Variants in ABCD3 observed in about 807,000 individuals in gnomAD.
The protein encoded by ABCD3 is ATP binding cassette subfamily D member 3.
A neutral mutation model predicts 105.5 loss-of-function variants in ABCD3; 41 were observed. The observed-to-expected ratio is 0.39, with a 90% CI of 0.30 to 0.50. The LOEUF is 0.50. Among genes scored for constraint, ABCD3 ranks in the 20% least tolerant of loss-of-function variants. The pLI, the probability that ABCD3 is intolerant of heterozygous loss-of-function variation, is 0.84. For missense variants in ABCD3, 622 were observed against 806.3 expected, an observed-to-expected ratio of 0.77 and a Z score of 2.77; for synonymous variants, 258 against 269.0, an observed-to-expected ratio of 0.96 and a Z score of 0.40.
In ABCD3 at chr1:94,459,837, A is replaced by AT. The variant is rs1647781099; in HGVS notation, c.147+1197dup. On this transcript the variant is annotated intron_variant, in intron 2 of 22. Transcript: ENST00000370214. ...CCCTGTTGACTTACCTGTTCTGGAC[A>AT]TTTCAAATAAATGAAATCATATAAT... is the stretch of plus-strand genomic sequence containing the variant. Among the ~76,000 whole-genome samples the AT allele has an allele frequency of 3.3e-5, 5 of 152,328 alleles. No individual in the cohort carries two copies. In the South Asian group the frequency reaches 1.0e-3, roughly 32 times the overall value.
intron 20 of ABCD3, among the ~76,000 whole-genome samples, chr1:94,503,459 T>A (rs1384225349): frequency 6.6e-6 from 1 of 152,212 alleles, no homozygotes; most frequent in African/African-American, 2.4e-5. Context: ...ATGGAGCCTC[T>A]GTCTTCTGAC....
Position 94,475,710 on chromosome 1 carries a change from A to C in ABCD3, c.600A>C (p.Val200=). 2 of 1,604,908 alleles carry C rather than the reference A, an allele frequency of 1.2e-6. No individual in the cohort carries two copies. The highest frequency in any genetic ancestry group is 2.2e-5 in the South Asian group (2 of 90,832). Residue 200 remains valine (V), a synonymous_variant, in exon 7 of 23, where the codon GTA becomes GTC. Coordinates refer to ENST00000370214, the MANE Select transcript of ABCD3 (RefSeq NM_002858.4). ...TQDVEKFCNS[V]VDLYSNLSKP... ...ATGTAGAAAAATTTTGTAACAGTGT[A>C]GTCGATCTGTATTCAAATCTTAGTA...
In ABCD3 at chr1:94,418,415, T is replaced by A; in HGVS notation, c.-64T>A. On this transcript the variant is annotated 5_prime_UTR_variant, in exon 1 of 23. Transcript: ENST00000370214. Reference sequence around the variant, plus strand: ...CCAGTCTCCCCCGCGCTGCGTGCAGTAAGGTAGCCGCCGCCGCCGCCGCCG... The same window carrying A: ...CCAGTCTCCCCCGCGCTGCGTGCAGAAAGGTAGCCGCCGCCGCCGCCGCCG... 1 of 1,358,260 alleles carries A rather than the reference T, an allele frequency of 7.4e-7. No homozygotes were observed. Among genetic ancestry groups the A allele is most frequent in the Non-Finnish European group, 1.0e-6 (1 of 985,760 alleles). 84.1% of individuals were successfully genotyped at this position (1,358,260 alleles called of 1,614,324 possible).
chr1:94,476,258 C>G (rs1648733135), intron 7 of ABCD3, among the ~76,000 whole-genome samples: 1 of 152,192 alleles, frequency 6.6e-6, no homozygotes. Flanking sequence ...AAGCTCCTGA[C>G]TGTGATAGGC....
intron 20 of ABCD3, among the ~76,000 whole-genome samples, chr1:94,502,417 T>A (rs1650139512): frequency 6.6e-6 from 1 of 152,058 alleles, no homozygotes; most frequent in South Asian, 2.1e-4. Context: ...TGACAGACAG[T>A]ATGTCAGGCA....
intron 20 of ABCD3, among the ~76,000 whole-genome samples, chr1:94,506,123 A>C (rs1650338475): frequency 6.6e-6 from 1 of 152,194 alleles, no homozygotes; most frequent in South Asian, 2.1e-4. Flanking sequence ...TGAGAATATT[A>C]ATTGGTACCA....
chr1:94,484,737 T>C (rs1228247368), intron 10 of ABCD3, among the ~76,000 whole-genome samples: 5 of 152,120 alleles, frequency 3.3e-5, no homozygotes, highest in Non-Finnish European at 1.5e-5. Flanking sequence ...CATGCATATG[T>C]AACAAACCTG....
intron 4 of ABCD3, among the ~76,000 whole-genome samples, chr1:94,470,833 T>C (rs1648420583): frequency 6.6e-6 from 1 of 152,186 alleles, no homozygotes; most frequent in South Asian, 2.1e-4. Context: ...TGTTATAATT[T>C]TATTTCCAAG....
At chr1:94,443,359 T>C (rs1342222290) in intron 1 of ABCD3, among the ~76,000 whole-genome samples, 1 of 152,206 alleles carries the variant, frequency 6.6e-6, no homozygotes, top group East Asian at 1.9e-4. Flanking sequence ...TTCTGGATAT[T>C]AGCCCTTTAT....
intron 1 of ABCD3, among the ~76,000 whole-genome samples, chr1:94,451,670 A>G (rs1324932219): frequency 6.6e-6 from 1 of 152,176 alleles, no homozygotes; most frequent in Non-Finnish European, 1.5e-5. Context: ...ACATTTCCGT[A>G]TACTTAGCTT....
chr1:94,446,936 C>T (rs933834694), intron 1 of ABCD3, among the ~76,000 whole-genome samples: 1 of 152,146 alleles, frequency 6.6e-6, no homozygotes, highest in Non-Finnish European at 1.5e-5. Flanking sequence ...AGTTCTAATT[C>T]CAGAGCAATT....
At position 94,487,573 on chromosome 1, in the gene ABCD3, G is replaced by A. The variant is rs779576463; in HGVS notation, c.929G>A (p.Arg310Gln). The stretch of plus-strand genomic sequence containing the variant: ...CACCTACATAATTTCATTTTGTTTC[G>A]GTTTTCAATGGGCTTCATTGATAGT... ...VEHLHNFILF[R>Q]FSMGFIDSII... Residue 310 changes from arginine (R) to glutamine (Q), a missense_variant, in exon 11 of 23, where the codon CGG becomes CAG. This residue lies in a region of ABCD3 where 245 missense variants were observed against 356.4 expected (regional missense o/e 0.69). Coordinates refer to ENST00000370214, the MANE Select transcript of ABCD3 (RefSeq NM_002858.4). 8 of 1,613,476 alleles carry A rather than the reference G, an allele frequency of 5.0e-6. No homozygotes were observed. Among genetic ancestry groups the A allele is most frequent in the African/African-American group, 4.0e-5 (3 of 74,842 alleles).
At chr1:94,402,873 T>A in the ABCD3 span, among the ~76,000 whole-genome samples, 2 of 151,934 alleles carry the variant, frequency 1.3e-5, no homozygotes, top group Non-Finnish European at 2.9e-5. Context: ...TACATATGTA[T>A]ACGTGTGCCA....
At chr1:94,504,490 C>T (rs114723749) in intron 20 of ABCD3, among the ~76,000 whole-genome samples, 2,236 of 152,196 alleles carry the variant, frequency 0.015, 41 homozygotes, top group Non-Finnish European at 0.016. Flanking sequence ...AAGCAGAAAT[C>T]TGAAAGCTCT....
At position 94,491,230 on chromosome 1, in the gene ABCD3, C is replaced by T. The variant is rs1228341414; in HGVS notation, c.1369C>T (p.Arg457Ter). The change falls in exon 16 of 23, where the codon CGA becomes TGA. Residue 457 changes from arginine to a stop codon, truncating the protein, a stop_gained. Transcript: ENST00000370214. LOFTEE classifies it high-confidence loss of function. ...AACGCCAAATGGAGATGTTTTGATC[C>T]GAGACCTTAATTTTGAAGTAAGTTT... The part of the protein sequence containing the change: ...LATPNGDVLI[R>*]DLNFEVRSGA... 3.1e-6 allele frequency: 5 copies of T among 1,610,934 alleles called. No homozygotes were observed. The highest frequency in any genetic ancestry group is 2.5e-6 in the Non-Finnish European group (3 of 1,177,870).
chr1:94,478,263 T>A lies in ABCD3; in HGVS notation c.632T>A (p.Phe211Tyr). Residue 211 changes from phenylalanine (F) to tyrosine (Y), a missense_variant, in exon 8 of 23, where the codon TTT (phenylalanine) becomes TAT (tyrosine). This residue lies in a region of ABCD3 where 245 missense variants were observed against 356.4 expected (regional missense o/e 0.69). Coordinates refer to ENST00000370214, the MANE Select transcript of ABCD3 (RefSeq NM_002858.4). ...VDLYSNLSKPFLDIVLYIFKL... is the reference protein window; with the variant it reads ...VDLYSNLSKPYLDIVLYIFKL... ...ATTCTAATATTTATTTTACAGCCAT[T>A]TTTAGACATAGTTTTGTATATCTTT... is the stretch of plus-strand genomic sequence containing the variant. 9 of 1,589,714 alleles carry A rather than the reference T, an allele frequency of 5.7e-6. No individual in the cohort carries two copies. Among genetic ancestry groups the A allele is most frequent in the Non-Finnish European group, 6.9e-6 (8 of 1,160,100 alleles).
At chr1:94,462,202 TA>T (rs1570775666) in intron 2 of ABCD3, among the ~76,000 whole-genome samples, 1 of 152,286 alleles carries the variant, frequency 6.6e-6, no homozygotes, top group East Asian at 1.9e-4. Context: ...TTTTTATATT[TA>T]AAAAAATTAT....
intron 16 of ABCD3, among the ~76,000 whole-genome samples, chr1:94,496,379 TG>T (rs1649800397): frequency 6.6e-6 from 1 of 152,266 alleles, no homozygotes; most frequent in Admixed American, 6.5e-5. Flanking sequence ...TTTAGCATAA[TG>T]TTTTCAAGGT....
At chr1:94,405,882 G>A in the ABCD3 span, among the ~76,000 whole-genome samples, 1 of 151,974 alleles carries the variant, frequency 6.6e-6, no homozygotes, top group Non-Finnish European at 1.5e-5. Context: ...TTTGTTGTTT[G>A]CCTTTTGACT....
Sources: gnomAD v4.1 joint callset for allele counts (sites outside exome capture counted in the v4.1 genomes callset) on GRCh38, gnomAD v4.1.1 for gene constraint, gnomAD v4.1.1 regional missense constraint, MANE v1.5 for transcripts, NCBI Gene and HGNC (gene_info 2026-07-23, HGNC 2026-07-21) for gene names.